The following MCF2L2 variants were observed in gnomAD, a reference collection of about 807,000 sequenced individuals.
MCF2L2 encodes the protein probable guanine nucleotide exchange factor MCF2L2.
In MCF2L2, 102 loss-of-function variants were observed where a neutral mutation model predicts 150.2. The ratio of observed to expected loss-of-function variants is 0.68; its 90% CI spans 0.58 to 0.80. The LOEUF (loss-of-function observed/expected upper bound fraction) is 0.80, where lower values mean the gene tolerates loss of function less well. Ranked by LOEUF, MCF2L2 falls within the 30% of genes least tolerant of loss-of-function variation. The pLI, the probability that MCF2L2 is intolerant of heterozygous loss-of-function variation, is 0.00. For synonymous variants in MCF2L2, 465 were observed against 491.3 expected (o/e 0.95, Z 0.71); for missense variants, 1,256 against 1,372.8 (o/e 0.91, Z 1.34).
At chr3:183,360,956 CAGAAAAG>C (rs1290621980) in intron 3 of MCF2L2, among the ~76,000 whole-genome samples, 3 of 88,452 alleles carry the variant, frequency 3.4e-5, no homozygotes, top group African/African-American at 1.3e-4. Context: ...GAGTGAAACT[CAGAAAAG>C]AAAAGAAAAG....
intron 17 of MCF2L2, among the ~76,000 whole-genome samples, chr3:183,228,755 G>A (rs1467246549): frequency 6.6e-6 from 1 of 152,132 alleles, no homozygotes. Flanking sequence ...AGATAGACTG[G>A]ATACATTCAC....
At chr3:183,302,546 G>C (rs1728905336) in intron 10 of MCF2L2, among the ~76,000 whole-genome samples, 1 of 152,168 alleles carries the variant, frequency 6.6e-6, no homozygotes, top group African/African-American at 2.4e-5. Context: ...CCTGGGTTTG[G>C]AGGGAGGATC....
At chr3:183,422,953 T>C (rs971677054) in intron 1 of MCF2L2, among the ~76,000 whole-genome samples, 2 of 152,170 alleles carry the variant, frequency 1.3e-5, no homozygotes, top group African/African-American at 4.8e-5. Context: ...TGTGACAAAA[T>C]GGTAAGGGCA....
At chr3:183,387,437 T>C (rs1479581754) in intron 2 of MCF2L2, among the ~76,000 whole-genome samples, 1 of 152,194 alleles carries the variant, frequency 6.6e-6, no homozygotes, top group African/African-American at 2.4e-5. Context: ...GTGACAATTA[T>C]CTCTATTCCT....
intron 1 of MCF2L2, among the ~76,000 whole-genome samples, chr3:183,425,284 T>C (rs906299772): frequency 4.0e-5 from 6 of 151,870 alleles, no homozygotes; most frequent in African/African-American, 1.5e-4. Context: ...CTAAGGGACA[T>C]GGAAAGAGCA....
chr3:183,309,004 G>A (rs776922056), intron 10 of MCF2L2, among the ~76,000 whole-genome samples: 2 of 152,180 alleles, frequency 1.3e-5, no homozygotes, highest in Non-Finnish European at 2.9e-5. Flanking sequence ...GGAAAGAGAC[G>A]ACTCAGCTTT....
At position 183,270,035 on chromosome 3, in the gene MCF2L2, C is replaced by T; in HGVS notation, c.1862+6837G>A. On this transcript the variant is annotated intron_variant, in intron 15 of 29. Transcript: ENST00000328913. This position sits in a 1 kb window ranked among gnomAD's most constrained non-coding sequence, Gnocchi z 4.5. The stretch of plus-strand genomic sequence containing the variant: ...CTCGCTACCAATACTTGATTAACCA[C>T]AAGGAAAAGTGTCAAGCTCAAGACG... The T allele has an allele frequency of 1.2e-6, 2 of 1,614,088 alleles. No individual in the cohort carries two copies. The highest frequency in any genetic ancestry group is 2.2e-5 in the East Asian group (1 of 44,870).
At chr3:183,336,936 C>T (rs189950551) in intron 5 of MCF2L2, among the ~76,000 whole-genome samples, 16 of 151,840 alleles carry the variant, frequency 1.1e-4, no homozygotes, top group African/African-American at 3.9e-4. Flanking sequence ...GTCTCCACCA[C>T]CCCTCATCCC....
chr3:183,198,694 T>C (rs1722155437), intron 25 of MCF2L2, among the ~76,000 whole-genome samples: 1 of 152,208 alleles, frequency 6.6e-6, no homozygotes, highest in South Asian at 2.1e-4. Flanking sequence ...AGCTATTCTA[T>C]AGTTCTGGGG....
At position 183,393,321 on chromosome 3, in the gene MCF2L2, G is replaced by A. The variant is rs578108707; in HGVS notation, c.77-3542C>T. On this transcript the variant is annotated intron_variant, in intron 1 of 29. Coordinates refer to ENST00000328913, the MANE Select transcript of MCF2L2 (RefSeq NM_015078.4). ...CGATTCTCCTGCCTCAGCCTCCTGA[G>A]TAGCTGGGATTACAGGCACCTGCCA... 2.6e-5 allele frequency among the ~76,000 whole-genome samples: 4 copies of A among 151,818 alleles called. 1 individual carries two copies. Among genetic ancestry groups the A allele is most frequent in the East Asian group, 3.9e-4 (2 of 5,140 alleles).
intron 3 of MCF2L2, chr3:183,373,913 A>G (rs1400085762): frequency 6.6e-6 from 1 of 152,078 alleles, no homozygotes; most frequent in African/African-American, 2.4e-5. Context: ...AGATAATTGT[A>G]AGGCTCCTAA....
chr3:183,372,903 A>C (rs777837200), intron 3 of MCF2L2: 1 of 152,250 alleles, frequency 6.6e-6, no homozygotes, highest in Non-Finnish European at 1.5e-5. Context: ...TGTAGGACCA[A>C]CAACTATGAT....
intron 15 of MCF2L2, among the ~76,000 whole-genome samples, chr3:183,273,940 C>T (rs931833871): frequency 6.6e-6 from 1 of 152,140 alleles, no homozygotes; most frequent in Non-Finnish European, 1.5e-5. Flanking sequence ...ATTGGCCAGG[C>T]GCCATGGCTC....
At chr3:183,279,174 C>T (rs889941154) in intron 14 of MCF2L2, among the ~76,000 whole-genome samples, 2 of 152,056 alleles carry the variant, frequency 1.3e-5, no homozygotes, top group Admixed American at 6.5e-5. Flanking sequence ...CACACACACA[C>T]ATACACACAC....
chr3:183,202,179 C>T (rs971138547), intron 25 of MCF2L2, among the ~76,000 whole-genome samples: 2 of 152,156 alleles, frequency 1.3e-5, no homozygotes, highest in Non-Finnish European at 2.9e-5. Flanking sequence ...CTAGGAATAC[C>T]TGACCTGCAA....
chr3:183,181,305 TGTGA>T lies in MCF2L2; in HGVS notation c.3017-1150_3017-1147del, dbSNP rs1002409107. ...CCCCAGAGCAGATCAGTGGGGGCTGTGTGAGTAACATGGGGGCGGGGGGGCAGCT... is the reference window on the plus strand; with the variant it reads ...CCCCAGAGCAGATCAGTGGGGGCTGTGTAACATGGGGGCGGGGGGGCAGCT... On this transcript the variant is annotated intron_variant, in intron 27 of 29. Coordinates refer to ENST00000328913, the MANE Select transcript of MCF2L2 (RefSeq NM_015078.4). This position sits in a 1 kb window ranked among gnomAD's most constrained non-coding sequence, Gnocchi z 4.3. Among the ~76,000 whole-genome samples the T allele has an allele frequency of 2.6e-5, 4 of 151,840 alleles. No homozygotes were observed. The highest frequency in any genetic ancestry group is 1.3e-4 in the Admixed American group (2 of 15,292).
rs1484557765 is a variant in MCF2L2 at position 183,206,134 on chromosome 3, T to C, written c.2793A>G (p.Lys931=). 1 of 1,614,012 alleles carries C rather than the reference T, an allele frequency of 6.2e-7. No individual in the cohort carries two copies. The highest frequency in any genetic ancestry group is 1.3e-5 in the African/African-American group (1 of 74,926). Residue 931 remains lysine, a synonymous_variant, in exon 24 of 30, where the codon AAA becomes AAG. Coordinates refer to ENST00000328913, the MANE Select transcript of MCF2L2 (RefSeq NM_015078.4). ...FEIASRNGLE[K]YILQAASKEI... is the part of the protein sequence containing the mutation. ...GCATGAGCGTTACCTGCAGGATGTA[T>C]TTCTCAAGTCCATTTCGACTGGCAA...
intron 27 of MCF2L2, among the ~76,000 whole-genome samples, chr3:183,190,438 T>C (rs1022664418): frequency 2.0e-5 from 3 of 152,150 alleles, no homozygotes; most frequent in Non-Finnish European, 4.4e-5. Context: ...ATTATGCAAA[T>C]GTGTTATTGA....
At chr3:183,216,205 A>G in intron 21 of MCF2L2, 111 bp from the exon 22 acceptor site, 2 of 1,170,284 alleles carry the variant, frequency 1.7e-6, no homozygotes, top group South Asian at 1.4e-5. Context: ...CTGACTGAGA[A>G]GGGTGGATAT....
Sources: gnomAD v4.1 joint callset for allele counts (sites outside exome capture counted in the v4.1 genomes callset) on GRCh38, gnomAD v4.1.1 for gene constraint, Gnocchi (gnomAD v3.1) non-coding constraint, MANE v1.5 for transcripts, NCBI Gene and HGNC (gene_info 2026-07-23, HGNC 2026-07-21) for gene names.